The following MAPK8 variants were observed in gnomAD, a reference collection of about 807,000 sequenced individuals.
MAPK8 encodes mitogen-activated protein kinase 8.
MAPK8 carries 13 observed loss-of-function variants against 52.9 expected under a neutral mutation model. The ratio of observed to expected loss-of-function variants is 0.25; its 90% CI spans 0.16 to 0.39. The LOEUF is 0.39. Among genes scored for constraint, MAPK8 ranks in the 10% least tolerant of loss-of-function variants. MAPK8 has a pLI of 1.00. For synonymous variants in MAPK8, 191 were observed against 169.8 expected (o/e 1.12, Z -0.97); for missense variants, 300 against 519.2 (o/e 0.58, Z 4.10).
intron 1 of MAPK8, among the ~76,000 whole-genome samples, chr10:48,323,406 C>T (rs1341761863): frequency 6.6e-6 from 1 of 152,116 alleles, no homozygotes; most frequent in African/African-American, 2.4e-5. Context: ...GATACTGAGT[C>T]ATTAATTGAA....
At chr10:48,334,715 C>G (rs1273766744) in intron 1 of MAPK8, among the ~76,000 whole-genome samples, 1 of 152,088 alleles carries the variant, frequency 6.6e-6, no homozygotes, top group Non-Finnish European at 1.5e-5. Flanking sequence ...AGACGGGCCC[C>G]CAAGTTTGTA....
At position 48,330,108 on chromosome 10, in the gene MAPK8, A is replaced by G. The variant is rs182364970; in HGVS notation, c.-50+23287A>G. The stretch of plus-strand genomic sequence containing the variant: ...CATGTATAATTTGTAAGGATACAAA[A>G]ATCATATTAGCTTACGTTAATTGAG... On this transcript the variant is annotated intron_variant, in intron 1 of 11. Transcript: ENST00000374189. Among the ~76,000 whole-genome samples the G allele has an allele frequency of 5.9e-5, 9 of 152,354 alleles. No homozygotes were observed. The East Asian group carries it at 1.7e-3, about 29-fold the overall frequency.
At chr10:48,422,974 C>T (rs1233732500) in intron 6 of MAPK8, among the ~76,000 whole-genome samples, 2 of 152,030 alleles carry the variant, frequency 1.3e-5, no homozygotes, top group Non-Finnish European at 2.9e-5. Context: ...CTATTTGTGC[C>T]GTTTTCCACT....
chr10:48,398,498 A>T (rs1374734692), intron 1 of MAPK8, among the ~76,000 whole-genome samples: 1 of 152,252 alleles, frequency 6.6e-6, no homozygotes. Flanking sequence ...TTGCTGGTGC[A>T]AATGAAAAAT....
chr10:48,392,343 A>G (rs923843376), intron 1 of MAPK8, among the ~76,000 whole-genome samples: 3 of 152,172 alleles, frequency 2.0e-5, no homozygotes, highest in African/African-American at 4.8e-5. Context: ...GAGCACCCCA[A>G]CATCATAACC....
chr10:48,434,049 T>C (rs953622874), intron 11 of MAPK8, among the ~76,000 whole-genome samples: 3 of 152,212 alleles, frequency 2.0e-5, no homozygotes, highest in Non-Finnish European at 4.4e-5. Context: ...GCATAAGTCA[T>C]TCCTGTCCCC....
At chr10:48,399,151 C>T (rs1426523492) in intron 1 of MAPK8, among the ~76,000 whole-genome samples, 1 of 152,132 alleles carries the variant, frequency 6.6e-6, no homozygotes, top group Admixed American at 6.6e-5. Context: ...GACATCCTGC[C>T]GCTTTCCTTC....
chr10:48,332,120 T>C (rs570476564), intron 1 of MAPK8, among the ~76,000 whole-genome samples: 11 of 152,290 alleles, frequency 7.2e-5, no homozygotes, highest in Non-Finnish European at 1.0e-4. Context: ...TGTTCTAATA[T>C]TATTTTGACC....
intron 10 of MAPK8, among the ~76,000 whole-genome samples, chr10:48,428,384 A>G (rs1298195621): frequency 1.3e-5 from 2 of 152,050 alleles, no homozygotes; most frequent in East Asian, 3.9e-4. Context: ...TCACCCTCCT[A>G]CACTGCCCCC....
At chr10:48,409,364 G>A (rs978238448) in intron 3 of MAPK8, among the ~76,000 whole-genome samples, 4 of 152,174 alleles carry the variant, frequency 2.6e-5, no homozygotes, top group African/African-American at 9.7e-5. Flanking sequence ...AATGAATTCA[G>A]TGTTACCTTA....
chr10:48,327,618 C>T (rs1470780182), intron 1 of MAPK8, among the ~76,000 whole-genome samples: 3 of 152,142 alleles, frequency 2.0e-5, no homozygotes, highest in East Asian at 3.9e-4. Context: ...GGAAATGTTC[C>T]TTCTGTTTTT....
intron 1 of MAPK8, among the ~76,000 whole-genome samples, chr10:48,375,053 CT>C (rs36082538): frequency 0.023 from 3,476 of 152,272 alleles, 142 homozygotes; most frequent in African/African-American, 0.08. Context: ...ATCAAGTCTG[CT>C]TCATCCCTGG....
intron 1 of MAPK8, among the ~76,000 whole-genome samples, chr10:48,378,495 G>GA (rs2040803899): frequency 6.6e-6 from 1 of 151,790 alleles, no homozygotes; most frequent in Non-Finnish European, 1.5e-5. Flanking sequence ...ATGTCAGAAT[G>GA]AAAAAAGAAC....
intron 1 of MAPK8, among the ~76,000 whole-genome samples, chr10:48,323,628 A>C (rs567365636): frequency 2.6e-5 from 4 of 152,278 alleles, no homozygotes; most frequent in Non-Finnish European, 5.9e-5. Context: ...TTTGTTTTTG[A>C]TTCTCTAAGC....
intron 5 of MAPK8, among the ~76,000 whole-genome samples, chr10:48,419,076 TA>T (rs2043211560): frequency 6.6e-6 from 1 of 152,178 alleles, no homozygotes; most frequent in South Asian, 2.1e-4. Flanking sequence ...TCTGTTTCAT[TA>T]AGACCTTTGA....
chr10:48,429,363 G>A (rs1319897947), intron 10 of MAPK8, among the ~76,000 whole-genome samples: 1 of 152,178 alleles, frequency 6.6e-6, no homozygotes, highest in African/African-American at 2.4e-5. Flanking sequence ...ATATTTGGGG[G>A]TTTTGATTGC....
chr10:48,385,188 G>A (rs554736848), intron 1 of MAPK8, among the ~76,000 whole-genome samples: 1 of 152,264 alleles, frequency 6.6e-6, no homozygotes, highest in South Asian at 2.1e-4. Context: ...TTAGCTCAAG[G>A]GGTAGTGAGA....
At chr10:48,330,915 T>G (rs1564490276) in intron 1 of MAPK8, among the ~76,000 whole-genome samples, 1 of 152,210 alleles carries the variant, frequency 6.6e-6, no homozygotes, top group South Asian at 2.1e-4. Flanking sequence ...GCCATGCAAT[T>G]TGTCACATCC....
intron 1 of MAPK8, among the ~76,000 whole-genome samples, chr10:48,375,219 A>G (rs1362272027): frequency 6.6e-6 from 1 of 152,222 alleles, no homozygotes; most frequent in Non-Finnish European, 1.5e-5. Context: ...TCAATAAACT[A>G]GGTATTGATG....
Sources: allele counts gnomAD v4.1 joint callset (sites outside exome capture counted in the v4.1 genomes callset), GRCh38; gene constraint gnomAD v4.1.1; transcripts MANE v1.5; gene names NCBI Gene and HGNC (gene_info 2026-07-23, HGNC 2026-07-21).